The following LANCL2 variants were observed in gnomAD, a reference collection of about 807,000 sequenced individuals.
The protein encoded by LANCL2 is LanC like glutathione S-transferase 2.
LANCL2 carries 33 observed loss-of-function variants against 56.9 expected under a neutral mutation model. That is an observed-to-expected ratio of 0.58 (90% CI 0.44 to 0.78). The LOEUF (loss-of-function observed/expected upper bound fraction) is 0.78. Among genes scored for constraint, LANCL2 ranks in the 30% least tolerant of loss-of-function variants. The pLI is 0.00. For missense variants in LANCL2, 562 were observed against 580.2 expected, an observed-to-expected ratio of 0.97 and a Z score of 0.32; for synonymous variants, 233 against 228.2, an observed-to-expected ratio of 1.02 and a Z score of -0.19.
At chr7:55,381,789 A>G (rs1296562117) in intron 1 of LANCL2, among the ~76,000 whole-genome samples, 1 of 152,202 alleles carries the variant, frequency 6.6e-6, no homozygotes, top group African/African-American at 2.4e-5. Context: ...GGCTTAACAA[A>G]CCCAGCTTAT....
chr7:55,411,936 G>C lies in LANCL2; in HGVS notation c.855G>C (p.Leu285Phe). ...QPAAKVDQET[L>F]TEMVKPSIDY... ...CAGCAAAAGTGGACCAAGAAACCTT[G>C]ACAGAAATGGTGAAACCCAGTATTG... Residue 285 changes from leucine (L) to phenylalanine (F), a missense_variant, in exon 6 of 9, where the codon TTG becomes TTC. Leu to Phe is a conservative substitution (Grantham distance 22). Coordinates refer to ENST00000254770, the MANE Select transcript of LANCL2 (RefSeq NM_018697.4). 3 of 1,612,896 alleles carry C rather than the reference G, an allele frequency of 1.9e-6. No individual in the cohort carries two copies. The highest frequency in any genetic ancestry group is 2.5e-6 in the Non-Finnish European group (3 of 1,179,370).
chr7:55,397,475 A>G (rs1444011234), intron 2 of LANCL2, among the ~76,000 whole-genome samples: 1 of 148,448 alleles, frequency 6.7e-6, no homozygotes. Flanking sequence ...AAAAAAAAAA[A>G]AAAAAGCAAA....
At chr7:55,366,302 C>A in intron 1 of LANCL2, 73 bp downstream of exon 1, 1 of 1,297,972 alleles carries the variant, frequency 7.7e-7, no homozygotes, top group African/African-American at 1.6e-5. Flanking sequence ...TTCCGCCAGG[C>A]GTGACGTCAC....
At chr7:55,386,649 C>T (rs1790129471) in intron 1 of LANCL2, among the ~76,000 whole-genome samples, 1 of 151,986 alleles carries the variant, frequency 6.6e-6, no homozygotes, top group African/African-American at 2.4e-5. Flanking sequence ...TTTTTTGCTT[C>T]CCACTGCTCC....
At chr7:55,420,648 A>G (rs1286583996) in intron 6 of LANCL2, among the ~76,000 whole-genome samples, 4 of 152,224 alleles carry the variant, frequency 2.6e-5, no homozygotes, top group Non-Finnish European at 5.9e-5. Flanking sequence ...CTTGTGGTCC[A>G]TGCAGTTTCT....
At chr7:55,402,260 G>A (rs1244459437) in intron 5 of LANCL2, among the ~76,000 whole-genome samples, 279 of 58,894 alleles carry the variant, frequency 4.7e-3, no homozygotes, top group Middle Eastern at 0.047. Flanking sequence ...TGACCCCCCC[G>A]CCTCCCTCCC....
intron 1 of LANCL2, among the ~76,000 whole-genome samples, chr7:55,367,604 C>T (rs1406528866): frequency 2.0e-5 from 3 of 152,132 alleles, no homozygotes; most frequent in Non-Finnish European, 2.9e-5. Flanking sequence ...TGGTGGACGC[C>T]TGTTCAGCTA....
Position 55,398,593 on chromosome 7 carries a change from C to T in LANCL2, c.493C>T (p.Leu165Phe), listed in dbSNP as rs1032856352. Residue 165 changes from leucine (L) to phenylalanine (F), a missense_variant, in exon 3 of 9, where the codon CTC (leucine) becomes TTC (phenylalanine). Transcript: ENST00000254770. Reference sequence around the variant, plus strand: ...TGTTGGAGCTGTGATTTATCACAAACTCAGAAGTGACTGTGAGTCCCAGGA... The same window carrying T: ...TGTTGGAGCTGTGATTTATCACAAATTCAGAAGTGACTGTGAGTCCCAGGA... ...LAVGAVIYHK[L>F]RSDCESQECV... 2.7e-5 allele frequency: 43 copies of T among 1,613,798 alleles called. No individual in the cohort carries two copies. The highest frequency in any genetic ancestry group is 3.6e-5 in the Non-Finnish European group (43 of 1,180,012).
intron 5 of LANCL2, among the ~76,000 whole-genome samples, chr7:55,407,711 C>T (rs1933074216): frequency 6.6e-6 from 1 of 152,250 alleles, no homozygotes; most frequent in Non-Finnish European, 1.5e-5. Flanking sequence ...TTTCAGACTC[C>T]AGCTGCAGCT....
At chr7:55,393,562 A>C (rs957815558) in intron 2 of LANCL2, among the ~76,000 whole-genome samples, 1 of 63,852 alleles carries the variant, frequency 1.6e-5, no homozygotes, top group Non-Finnish European at 3.6e-5. Flanking sequence ...ACCAAAAACC[A>C]AAAAAAAACA....
intron 2 of LANCL2, among the ~76,000 whole-genome samples, chr7:55,396,709 CT>C (rs59378780): frequency 0.83 from 126,249 of 151,204 alleles, 52,759 homozygotes; most frequent in East Asian, 0.93. Flanking sequence ...GCATGATGAC[CT>C]TTTTTTTTTT....
intron 5 of LANCL2, among the ~76,000 whole-genome samples, chr7:55,405,658 C>CTT (rs11438623): frequency 1.7e-4 from 25 of 146,722 alleles, no homozygotes; most frequent in Non-Finnish European, 2.6e-4. Flanking sequence ...CTGGCCGGAA[C>CTT]TTTTTTTTTT....
At chr7:55,386,841 TG>T (rs775156610) in intron 1 of LANCL2, among the ~76,000 whole-genome samples, 1 of 152,166 alleles carries the variant, frequency 6.6e-6, no homozygotes, top group Non-Finnish European at 1.5e-5. Flanking sequence ...GTTACTGTTT[TG>T]GATTGTGGAA....
intron 5 of LANCL2, among the ~76,000 whole-genome samples, chr7:55,406,135 C>T (rs996456173): frequency 1.3e-5 from 2 of 152,156 alleles, no homozygotes; most frequent in Admixed American, 1.3e-4. Context: ...CGGTGAGCTG[C>T]AGGAGGAGTG....
rs374996876 is a variant in LANCL2 at position 55,420,300 on chromosome 7, G to C, written c.1009-4954G>C. 3.9e-5 allele frequency among the ~76,000 whole-genome samples: 6 copies of C among 151,978 alleles called. No homozygotes were observed. In the East Asian group the frequency reaches 1.2e-3, roughly 29 times the overall value. ...TTAGATATTCCCTAATTACCCTTAT[G>C]ATTTCTCTTTTGATTCATGGGTTAT... On this transcript the variant is annotated intron_variant, in intron 6 of 8. Transcript: ENST00000254770.
intron 1 of LANCL2, among the ~76,000 whole-genome samples, chr7:55,373,896 C>G (rs1056566577): frequency 1.3e-5 from 2 of 152,132 alleles, no homozygotes. Flanking sequence ...TGGCTAGGGC[C>G]AGACTAGGTT....
chr7:55,421,339 CTTTTT>C (rs11416515), intron 6 of LANCL2, among the ~76,000 whole-genome samples: 3 of 104,650 alleles, frequency 2.9e-5, no homozygotes, highest in Admixed American at 1.2e-4. Context: ...TCTGTTGACT[CTTTTT>C]TTTTTTTTTT....
At chr7:55,428,288 G>C (rs937895275) in intron 7 of LANCL2, 87 bp from the exon 8 acceptor site, 14 of 1,194,504 alleles carry the variant, frequency 1.2e-5, no homozygotes, top group East Asian at 1.2e-4. Flanking sequence ...CCACTTCCCT[G>C]ATGCCTGTGA....
In LANCL2 at chr7:55,391,774, C is replaced by G; in HGVS notation, c.205-19C>G. On this transcript the variant is annotated intron_variant, in intron 1 of 8. Transcript: ENST00000254770. ...CCCATTCTTGTGAAGTTAAAGTTATCTCTTCTTTTGGATCTCAGATCATTC... is the reference window on the plus strand; with the variant it reads ...CCCATTCTTGTGAAGTTAAAGTTATGTCTTCTTTTGGATCTCAGATCATTC... 1 of 1,308,958 alleles carries G rather than the reference C, an allele frequency of 7.6e-7. No individual in the cohort carries two copies. Among genetic ancestry groups the G allele is most frequent in the Non-Finnish European group, 1.1e-6 (1 of 903,974 alleles). 81.1% of individuals were successfully genotyped at this position (1,308,958 alleles called of 1,614,324 possible). A position where few individuals can be genotyped will look rare whatever the true frequency, so the allele number is the denominator to read the frequency against.
Sources: gnomAD v4.1 joint callset for allele counts (sites outside exome capture counted in the v4.1 genomes callset) on GRCh38, gnomAD v4.1.1 for gene constraint, MANE v1.5 for transcripts, NCBI Gene and HGNC (gene_info 2026-07-23, HGNC 2026-07-21) for gene names.